The following RAPGEF2 variants were observed in gnomAD, a reference collection of about 807,000 sequenced individuals.
RAPGEF2 encodes Rap guanine nucleotide exchange factor 2.
In RAPGEF2, 54 loss-of-function variants were observed where a neutral mutation model predicts 186.7. That is an observed-to-expected ratio of 0.29 (90% CI 0.23 to 0.36). The LOEUF (loss-of-function observed/expected upper bound fraction) is 0.36. Ranked by LOEUF, RAPGEF2 falls within the 10% of genes least tolerant of loss-of-function variation. The pLI is 1.00. For synonymous variants in RAPGEF2, 712 were observed against 705.9 expected, an observed-to-expected ratio of 1.01 and a Z score of -0.14; for missense variants, 1,532 against 2,045.0, an observed-to-expected ratio of 0.75 and a Z score of 4.84.
rs1424077003 is a variant in RAPGEF2 at position 159,277,698 on chromosome 4, A to G, written c.544-26644A>G. Among the ~76,000 whole-genome samples, 3 of 152,180 alleles carry G rather than the reference A, an allele frequency of 2.0e-5. No homozygotes were observed. In the East Asian group the frequency reaches 5.8e-4, roughly 29 times the overall value. ...CCAGTGATGGTGAGCATTTTTTCAC[A>G]TATCTGTTGGCTGCATAAATGTCTT... On this transcript the variant is annotated intron_variant, in intron 7 of 29. Transcript: ENST00000691494.
chr4:159,115,958 A>G (rs894890363), intron 1 of RAPGEF2, among the ~76,000 whole-genome samples: 14 of 152,206 alleles, frequency 9.2e-5, no homozygotes, highest in Non-Finnish European at 7.3e-5. Flanking sequence ...AAAGACTTAA[A>G]TGTAAAACCC....
intron 7 of RAPGEF2, among the ~76,000 whole-genome samples, chr4:159,252,461 A>C (rs1264464665): frequency 6.6e-6 from 1 of 152,246 alleles, no homozygotes; most frequent in Admixed American, 6.5e-5. Flanking sequence ...TAATTTATGA[A>C]ATAAGCATAT....
chr4:159,289,840 A>T (rs1444410397), intron 7 of RAPGEF2, among the ~76,000 whole-genome samples: 4 of 152,178 alleles, frequency 2.6e-5, no homozygotes, highest in Admixed American at 1.3e-4. Flanking sequence ...AGAGGGAACA[A>T]TGAAGACCCA....
chr4:159,159,149 T>C (rs933861280), intron 1 of RAPGEF2, among the ~76,000 whole-genome samples: 3 of 152,232 alleles, frequency 2.0e-5, no homozygotes, highest in Non-Finnish European at 4.4e-5. Flanking sequence ...GTTGTTTTCC[T>C]CTGCCACCTC....
intron 1 of RAPGEF2, among the ~76,000 whole-genome samples, chr4:159,115,247 C>T (rs777556066): frequency 1.3e-5 from 2 of 151,940 alleles, no homozygotes; most frequent in African/African-American, 4.8e-5. Flanking sequence ...AACATGAGAC[C>T]TAACATTTTA....
chr4:159,310,997 T>A (rs1440298299), intron 8 of RAPGEF2, among the ~76,000 whole-genome samples: 2 of 151,786 alleles, frequency 1.3e-5, no homozygotes, highest in African/African-American at 2.4e-5. Flanking sequence ...AATTTTTTTT[T>A]ATAAGACTAT....
At chr4:159,308,593 C>T (rs529369040) in intron 8 of RAPGEF2, among the ~76,000 whole-genome samples, 11 of 152,242 alleles carry the variant, frequency 7.2e-5, no homozygotes, top group South Asian at 2.1e-4. Flanking sequence ...TCAGAGGTCT[C>T]CTGTCACATT....
chr4:159,174,386 A>G (rs990499864), intron 1 of RAPGEF2, among the ~76,000 whole-genome samples: 7 of 152,224 alleles, frequency 4.6e-5, no homozygotes, highest in African/African-American at 9.6e-5. Context: ...AAATTTATGA[A>G]GTACTTGGTA....
intron 1 of RAPGEF2, among the ~76,000 whole-genome samples, chr4:159,135,409 T>C (rs1006373622): frequency 1.3e-5 from 2 of 152,168 alleles, no homozygotes; most frequent in Middle Eastern, 3.2e-3. Flanking sequence ...GTTTTGTGTA[T>C]TCATTCATCA....
chr4:159,121,394 C>G (rs912346079), intron 1 of RAPGEF2, among the ~76,000 whole-genome samples: 1 of 149,578 alleles, frequency 6.7e-6, no homozygotes, highest in African/African-American at 2.5e-5. Context: ...ATAGGGTCTT[C>G]CTCTGTCTGT....
At chr4:159,105,660 C>G (rs1191090528) in intron 1 of RAPGEF2, among the ~76,000 whole-genome samples, 1 of 152,222 alleles carries the variant, frequency 6.6e-6, no homozygotes, top group Non-Finnish European at 1.5e-5. Context: ...TGGTGTTGCA[C>G]ACGCTGCCTT....
At chr4:159,301,229 C>T (rs1019803440) in intron 7 of RAPGEF2, among the ~76,000 whole-genome samples, 4 of 151,922 alleles carry the variant, frequency 2.6e-5, no homozygotes, top group African/African-American at 9.7e-5. Context: ...AAAAATTAGC[C>T]GGGGTCGTGG....
intron 10 of RAPGEF2, among the ~76,000 whole-genome samples, chr4:159,323,232 TTAA>T (rs1765474107): frequency 6.6e-6 from 1 of 152,180 alleles, no homozygotes; most frequent in Admixed American, 6.5e-5. Flanking sequence ...CAAAGTCAAA[TTAA>T]AAGGGCATTA....
At chr4:159,200,239 G>A (rs1462560465) in intron 3 of RAPGEF2, among the ~76,000 whole-genome samples, 1 of 152,098 alleles carries the variant, frequency 6.6e-6, no homozygotes, top group Non-Finnish European at 1.5e-5. Flanking sequence ...AGGCTGAGGT[G>A]GGTGGATCGC....
At chr4:159,167,987 AAAT>A (rs1221461288) in intron 1 of RAPGEF2, among the ~76,000 whole-genome samples, 2 of 152,270 alleles carry the variant, frequency 1.3e-5, no homozygotes, top group East Asian at 1.9e-4. Context: ...TGAAATTTAA[AAAT>A]AAGGTGGTGA....
At chr4:159,155,833 A>T (rs927738304) in intron 1 of RAPGEF2, among the ~76,000 whole-genome samples, 93 of 151,750 alleles carry the variant, frequency 6.1e-4, no homozygotes, top group African/African-American at 2.2e-3. Flanking sequence ...TCCTCTCGGT[A>T]CTATTTTAAT....
chr4:159,119,454 C>T (rs1429815218), intron 1 of RAPGEF2, among the ~76,000 whole-genome samples: 5 of 151,986 alleles, frequency 3.3e-5, no homozygotes, highest in Non-Finnish European at 4.4e-5. Flanking sequence ...TTTTAAGCCT[C>T]GATAGTACAG....
chr4:159,343,197 A>G lies in RAPGEF2; in HGVS notation c.3130+7A>G. On this transcript the variant is annotated splice_region_variant and intron_variant, in intron 21 of 29. Coordinates refer to ENST00000691494, the MANE Select transcript of RAPGEF2 (RefSeq NM_001394067.2). ...CTCACCTTCCTTCACGAAGGTAAAC[A>G]TAAGGCAGAGGGTTTCCATCTTTGC... is the stretch of plus-strand genomic sequence containing the variant. 2 of 1,614,082 alleles carry G rather than the reference A, an allele frequency of 1.2e-6. No individual in the cohort carries two copies. The highest frequency in any genetic ancestry group is 1.7e-6 in the Non-Finnish European group (2 of 1,179,908).
intron 7 of RAPGEF2, among the ~76,000 whole-genome samples, chr4:159,280,728 G>A (rs1759577869): frequency 6.6e-6 from 1 of 152,172 alleles, no homozygotes; most frequent in Admixed American, 6.5e-5. Context: ...CTATATTGAA[G>A]TGTCATACAT....
Sources: gnomAD v4.1 joint callset for allele counts (sites outside exome capture counted in the v4.1 genomes callset) on GRCh38, gnomAD v4.1.1 for gene constraint, MANE v1.5 for transcripts, NCBI Gene and HGNC (gene_info 2026-07-23, HGNC 2026-07-21) for gene names.